The following IDH2 variants were observed in gnomAD, a reference collection of about 807,000 sequenced individuals.
IDH2 encodes the protein isocitrate dehydrogenase (NADP(+)) 2.
Under a neutral mutation model 50.5 loss-of-function variants are expected in IDH2, and 18 were observed. The ratio of observed to expected loss-of-function variants is 0.36; its 90% confidence interval spans 0.25 to 0.53. The LOEUF is 0.53. Among genes scored for constraint, IDH2 ranks in the 20% least tolerant of loss-of-function variants. IDH2 has a pLI of 0.92. For missense variants in IDH2, 518 were observed against 610.7 expected, an observed-to-expected ratio of 0.85 and a Z score of 1.60; for synonymous variants, 280 against 239.8, an observed-to-expected ratio of 1.17 and a Z score of -1.55.
Position 90,087,456 on chromosome 15 carries a change from G to A in IDH2, c.798C>T (p.Phe266=). The A allele has an allele frequency of 6.2e-7, 1 of 1,614,214 alleles. No individual in the cohort carries two copies. The highest frequency in any genetic ancestry group is 8.5e-7 in the Non-Finnish European group (1 of 1,180,034). The change falls in exon 6 of 11, where the codon TTC becomes TTT. Residue 266 remains phenylalanine, a synonymous_variant. Transcript: ENST00000330062. ...KAYDGRFKDI[F]QEIFDKHYKT... ...GGCTTTACTTGTCAAAGATCTCCTGGAAGATGTCCTTGAAACGCCCATCGT... is the reference window on the plus strand; with the variant it reads ...GGCTTTACTTGTCAAAGATCTCCTGAAAGATGTCCTTGAAACGCCCATCGT...
intron 1 of IDH2, 56 bp from the exon 2 acceptor site, chr15:90,091,700 T>G: frequency 1.4e-6 from 2 of 1,438,214 alleles, no homozygotes; most frequent in Non-Finnish European, 2.0e-6. Flanking sequence ...AGGGGGGCCC[T>G]CTCCTCCCAG....
chr15:90,095,463 C>T (rs1901158257), intron 1 of IDH2, among the ~76,000 whole-genome samples: 1 of 132,260 alleles, frequency 7.6e-6, no homozygotes, highest in Non-Finnish European at 1.7e-5. Flanking sequence ...GACAGCTAAT[C>T]AAATTTGTTA....
Position 90,089,358 on chromosome 15 carries a change from A to G in IDH2, c.374-611T>C, listed in dbSNP as rs140594272. Among the ~76,000 whole-genome samples the G allele has an allele frequency of 2.6e-4, 39 of 152,344 alleles. No homozygotes were observed. In the South Asian group the frequency reaches 7.9e-3, roughly 31 times the overall value. On this transcript the variant is annotated intron_variant, in intron 3 of 10. Coordinates refer to ENST00000330062, the MANE Select transcript of IDH2 (RefSeq NM_002168.4). ...AAGGGCCTAGAACGGTGCCCGGTCC[A>G]TGCTAAGTGCTCTGTTGGCCATTAT...
rs142816010 is a variant in IDH2 at position 90,088,364 on chromosome 15, C to T, written c.673G>A (p.Asp225Asn). The T allele has an allele frequency of 3.2e-4, 523 of 1,613,648 alleles. 1 individual carries two copies. The highest frequency in any genetic ancestry group is 5.3e-4 in the Middle Eastern group (3 of 5,658). The change falls in exon 5 of 11, where the codon GAC becomes AAC. Residue 225 changes from aspartate to asparagine, a missense_variant. Asp to Asn is a conservative substitution (Grantham distance 23, BLOSUM62 1). Around this residue, in one of 5 missense-constraint regions of IDH2, gnomAD observed 207 missense variants for 208.6 expected, o/e 0.99. Coordinates refer to ENST00000330062, the MANE Select transcript of IDH2 (RefSeq NM_002168.4). The stretch of plus-strand genomic sequence containing the variant: ...GATGCCCAAGCCAGCCTCACCTCGT[C>T]GGTGTTGTACATGCCCATGCCCACG... ...GGVGMGMYNTDESISGFAHSC... is the reference protein window; with the variant it reads ...GGVGMGMYNTNESISGFAHSC...
intron 1 of IDH2, among the ~76,000 whole-genome samples, chr15:90,097,766 C>T (rs34116091): frequency 0.42 from 63,921 of 151,900 alleles, 15,439 homozygotes; most frequent in Non-Finnish European, 0.56. Flanking sequence ...CACAACAGTG[C>T]GAATGTACTT....
chr15:90,087,076 T>C, intron 7 of IDH2, 36 bp downstream of exon 7: 1 of 1,611,274 alleles, frequency 6.2e-7, no homozygotes, highest in East Asian at 2.2e-5. Context: ...AGACCAACAG[T>C]CCACCCCCAC....
rs34365380 is a variant in IDH2, at chr15:90,098,563, G to GTATGTATGTATGTATGT, written c.115+3712_115+3713insACATACATACATACATA. Among the ~76,000 whole-genome samples, 103 of 56,698 alleles carry GTATGTATGTATGTATGT rather than the reference G, an allele frequency of 1.8e-3. 1 individual carries two copies. Among genetic ancestry groups the GTATGTATGTATGTATGT allele is most frequent in the Non-Finnish European group, 3.7e-3 (84 of 22,816 alleles). The allele number at this position is 56,698 out of a possible 152,430, so 37.2% of individuals were successfully genotyped here. ...GTATGTATGTATGTATGTATGTATTGAGACAGAGTCTCACTCTGTCGCCTA... is the reference window on the plus strand; with the variant it reads ...GTATGTATGTATGTATGTATGTATTGTATGTATGTATGTATGTAGACAGAGTCTCACTCTGTCGCCTA... On this transcript the variant is annotated intron_variant, in intron 1 of 10. Coordinates refer to ENST00000330062, the MANE Select transcript of IDH2 (RefSeq NM_002168.4). The surrounding 1 kb of genome is among the most constrained non-coding windows in gnomAD (Gnocchi z 5.1).
chr15:90,101,784 C>A (rs992499629), intron 1 of IDH2, among the ~76,000 whole-genome samples: 3 of 152,154 alleles, frequency 2.0e-5, no homozygotes, highest in Non-Finnish European at 2.9e-5. Flanking sequence ...CTGGTATCAG[C>A]GCGCGCCTGG....
Position 90,084,979 on chromosome 15 carries a change from C to T in IDH2, c.1178+22G>A, listed in dbSNP as rs770164108. The stretch of plus-strand genomic sequence containing the variant: ...ACCCAGAGCCTGTCCTGGGCAGCTC[C>T]GGCCTCTCCCTCCATGCTCACCTGA... On this transcript the variant is annotated intron_variant, in intron 9 of 10. Transcript: ENST00000330062. This position sits in a 1 kb window ranked among gnomAD's most constrained non-coding sequence, Gnocchi z 5.0. 2.9e-5 allele frequency: 46 copies of T among 1,612,306 alleles called. 1 individual carries two copies. Among genetic ancestry groups the T allele is most frequent in the Admixed American group, 3.3e-5 (2 of 60,000 alleles).
rs773753491 is a variant in IDH2 at position 90,087,231 on chromosome 15, A to T, written c.848T>A (p.Ile283Asn). 6 of 1,614,072 alleles carry T rather than the reference A, an allele frequency of 3.7e-6. No homozygotes were observed. Among genetic ancestry groups the T allele is most frequent in the Non-Finnish European group, 5.1e-6 (6 of 1,180,012 alleles). Reference sequence around the variant, plus strand: ...ATCAATGAGCCGGTGCTCATACCAGATCTTATTCTTGTCGAAGTCGGTCTT... The same window carrying T: ...ATCAATGAGCCGGTGCTCATACCAGTTCTTATTCTTGTCGAAGTCGGTCTT... ...HYKTDFDKNK[I>N]WYEHRLIDDM... Residue 283 changes from isoleucine (I) to asparagine (N), a missense_variant, in exon 7 of 11, where the codon ATC becomes AAC. This residue lies in a region of IDH2 where 207 missense variants were observed against 208.6 expected (regional missense o/e 0.99). Transcript: ENST00000330062.
At position 90,083,803 on chromosome 15, in the gene IDH2, T is replaced by G; in HGVS notation, c.*463A>C. ...GCCTGTGCCCTGAGTGTCCGAGAAC[T>G]CCGCAGTGGGCCCCTGTGGAATGCG... On this transcript the variant is annotated 3_prime_UTR_variant, in exon 11 of 11. Coordinates refer to ENST00000330062, the MANE Select transcript of IDH2 (RefSeq NM_002168.4). 1 of 248,270 alleles carries G rather than the reference T, an allele frequency of 4.0e-6. No homozygotes were observed. The highest frequency in any genetic ancestry group is 6.4e-5 in the East Asian group (1 of 15,606). The allele number at this position is 248,270 out of a possible 1,614,324, so 15.4% of individuals were successfully genotyped here. A position where few individuals can be genotyped will look rare whatever the true frequency, so the allele number is the denominator to read the frequency against.
At chr15:90,086,225 C>A (rs2151547510) in intron 7 of IDH2, among the ~76,000 whole-genome samples, 1 of 152,272 alleles carries the variant, frequency 6.6e-6, no homozygotes. Flanking sequence ...CCGTCCTGGG[C>A]TTCCCTTTTC....
chr15:90,091,465 G>C (rs1901033882), intron 2 of IDH2, 88 bp downstream of exon 2: 2 of 985,286 alleles, frequency 2.0e-6, no homozygotes, highest in Admixed American at 3.4e-5. Context: ...GGGGGTCCTA[G>C]GGACCTGCAG....
chr15:90,088,605 C>G lies in IDH2; in HGVS notation c.516G>C (p.Arg172Ser), dbSNP rs1057519736. The change falls in exon 4 of 11, where the codon AGG becomes AGC. Residue 172 changes from arginine (R) to serine (S), a missense_variant. Coordinates refer to ENST00000330062, the MANE Select transcript of IDH2 (RefSeq NM_002168.4). ...GGCCTACCTGGTCGCCATGGGCGTG[C>G]CTGCCAATGGTGATGGGCTTGGTCC... ...PGWTKPITIG[R>S]HAHGDQYKAT... The G allele has an allele frequency of 6.2e-7, 1 of 1,614,224 alleles. No homozygotes were observed.
At position 90,088,476 on chromosome 15, in the gene IDH2, G is replaced by T; in HGVS notation, c.561C>A (p.Asp187Glu). The change falls in exon 5 of 11, where the codon GAC (aspartate) becomes GAA (glutamate). Residue 187 changes from aspartate (D) to glutamate (E), a missense_variant. Transcript: ENST00000330062. Reference protein sequence around the residue: ...DQYKATDFVADRAGTFKMVFT... With the variant: ...DQYKATDFVAERAGTFKMVFT... ...AGACCATTTTGAAAGTGCCGGCCCG[G>T]TCTGCCACAAAGTCTGTGGCCTTGT... The T allele has an allele frequency of 6.2e-7, 1 of 1,614,222 alleles. No homozygotes were observed.
At chr15:90,096,817 G>A (rs747060500) in intron 1 of IDH2, among the ~76,000 whole-genome samples, 2 of 152,092 alleles carry the variant, frequency 1.3e-5, no homozygotes, top group Admixed American at 6.5e-5. Flanking sequence ...GGGAGGCTGA[G>A]GCAGGAGAAT....
chr15:90,086,580 T>G (rs1900864767), intron 7 of IDH2, among the ~76,000 whole-genome samples: 2 of 152,004 alleles, frequency 1.3e-5, no homozygotes, highest in Non-Finnish European at 1.5e-5. Flanking sequence ...TAAATTTTTT[T>G]GCATTTTTAG....
Position 90,084,394 on chromosome 15 carries a change from C to T in IDH2, c.1272-41G>A, listed in dbSNP as rs528389852. The stretch of plus-strand genomic sequence containing the variant: ...CACTCACATCAGGGGTGGCTCCAGG[C>T]CTTGCCAAGGCCATCAGCCAGGCCC... On this transcript the variant is annotated intron_variant, in intron 10 of 10. Coordinates refer to ENST00000330062, the MANE Select transcript of IDH2 (RefSeq NM_002168.4). This position sits in a 1 kb window ranked among gnomAD's most constrained non-coding sequence, Gnocchi z 5.0. 130 of 1,576,672 alleles carry T rather than the reference C, an allele frequency of 8.2e-5. 3 individuals carry two copies. The South Asian group carries it at 1.0e-3, about 13-fold the overall frequency.
rs1408388100 is a variant in IDH2, at chr15:90,087,544, T to A, written c.710A>T (p.Gln237Leu). The change falls in exon 6 of 11, where the codon CAG (glutamine) becomes CTG (leucine). Residue 237 changes from glutamine (Q) to leucine (L), a missense_variant. Physicochemically the swap from Gln to Leu is moderately radical, Grantham distance 113. Transcript: ENST00000330062. The part of the protein sequence containing the change: ...SISGFAHSCF[Q>L]YAIQKKWPLY... The stretch of plus-strand genomic sequence containing the variant: ...CGGCCATTTCTTCTGGATGGCATAC[T>A]GGAAGCAGCTGTGCGCAAAACCTGA... 2.5e-6 allele frequency: 4 copies of A among 1,613,746 alleles called. No individual in the cohort carries two copies. In the East Asian group the frequency reaches 8.9e-5, roughly 36 times the overall value.
Sources: gnomAD v4.1 joint callset for allele counts (sites outside exome capture counted in the v4.1 genomes callset) on GRCh38, gnomAD v4.1.1 for gene constraint, gnomAD v4.1.1 regional missense constraint, Gnocchi (gnomAD v3.1) non-coding constraint, MANE v1.5 for transcripts, NCBI Gene and HGNC (gene_info 2026-07-23, HGNC 2026-07-21) for gene names.